Variants in LARGE1 observed in about 807,000 individuals in gnomAD.
LARGE1 encodes the protein xylosyl- and glucuronyltransferase LARGE1.
A neutral mutation model predicts 87.6 loss-of-function variants in LARGE1; 43 were observed. The observed-to-expected ratio is 0.49, with a 90% CI of 0.38 to 0.63. The LOEUF (loss-of-function observed/expected upper bound fraction) is 0.63. Ranked by LOEUF, LARGE1 falls within the 30% of genes least tolerant of loss-of-function variation. The pLI is 0.00. For synonymous variants in LARGE1, 434 were observed against 394.6 expected (o/e 1.10, Z -1.18); for missense variants, 802 against 1,000.2 (o/e 0.80, Z 2.67).
At chr22:33,286,205 G>A (rs182086539) in intron 12 of LARGE1, among the ~76,000 whole-genome samples, 1 of 152,278 alleles carries the variant, frequency 6.6e-6, no homozygotes, top group East Asian at 1.9e-4. Flanking sequence ...AACAATGTTA[G>A]TTTTCAAACA....
chr22:33,510,173 T>C (rs2070986521), intron 6 of LARGE1, among the ~76,000 whole-genome samples: 1 of 152,204 alleles, frequency 6.6e-6, no homozygotes, highest in Admixed American at 6.5e-5. Flanking sequence ...CTACATTTAT[T>C]AGGCACCGAC....
chr22:33,310,325 C>T (rs1426836440), intron 11 of LARGE1, among the ~76,000 whole-genome samples: 1 of 152,168 alleles, frequency 6.6e-6, no homozygotes, highest in Non-Finnish European at 1.5e-5. Context: ...CACTTAACAT[C>T]TTTGTCAAAA....
At chr22:33,608,633 T>C (rs2079334606) in intron 4 of LARGE1, among the ~76,000 whole-genome samples, 1 of 152,202 alleles carries the variant, frequency 6.6e-6, no homozygotes, top group African/African-American at 2.4e-5. Context: ...TGAATAGATA[T>C]TCCTGTAACA....
At chr22:33,080,341 C>G in the LARGE1 span, among the ~76,000 whole-genome samples, 4 of 152,206 alleles carry the variant, frequency 2.6e-5, no homozygotes. Context: ...ACCACCAGAT[C>G]TCAGTAGTTT....
chr22:33,345,911 C>G (rs980218685), intron 9 of LARGE1, among the ~76,000 whole-genome samples: 1 of 152,198 alleles, frequency 6.6e-6, no homozygotes, highest in African/African-American at 2.4e-5. Flanking sequence ...AAATCAGAGC[C>G]TGTGTGCAAA....
intron 6 of LARGE1, among the ~76,000 whole-genome samples, chr22:33,470,232 A>T (rs569753566): frequency 6.6e-6 from 1 of 152,198 alleles, no homozygotes; most frequent in Admixed American, 6.5e-5. Context: ...CTGTACACCA[A>T]ACCCTCATGA....
intron 9 of LARGE1, among the ~76,000 whole-genome samples, chr22:33,351,596 A>C (rs1251115608): frequency 1.3e-5 from 2 of 152,184 alleles, no homozygotes; most frequent in East Asian, 3.9e-4. Context: ...ATAAATGAGA[A>C]AAAGTGACCA....
intron 12 of LARGE1, among the ~76,000 whole-genome samples, chr22:33,285,289 T>G (rs1442668751): frequency 1.3e-5 from 2 of 152,010 alleles, no homozygotes; most frequent in Non-Finnish European, 2.9e-5. Context: ...TGTAAGGCAT[T>G]TTGAAAAACC....
chr22:33,636,613 A>C (rs2080275166), intron 3 of LARGE1, among the ~76,000 whole-genome samples: 1 of 152,120 alleles, frequency 6.6e-6, no homozygotes, highest in African/African-American at 2.4e-5. Flanking sequence ...CTGCAGCCTC[A>C]AATTCCTGGG....
At chr22:33,565,209 G>C (rs1461196725) in intron 5 of LARGE1, among the ~76,000 whole-genome samples, 190 bp from the exon 6 acceptor site, 1 of 152,138 alleles carries the variant, frequency 6.6e-6, no homozygotes, top group Non-Finnish European at 1.5e-5. Flanking sequence ...TTTTCTGGAG[G>C]AAAATGTATC....
chr22:33,531,378 G>A (rs1425508273), intron 6 of LARGE1, among the ~76,000 whole-genome samples: 4 of 151,988 alleles, frequency 2.6e-5, no homozygotes, highest in East Asian at 3.9e-4. Flanking sequence ...GGCTGGTCTC[G>A]AACTCCTAAC....
chr22:33,288,216 T>C (rs1214669554), intron 12 of LARGE1, among the ~76,000 whole-genome samples: 2 of 152,214 alleles, frequency 1.3e-5, no homozygotes, highest in Non-Finnish European at 2.9e-5. Context: ...ATAGCTAACA[T>C]GTACAATCAG....
intron 10 of LARGE1, among the ~76,000 whole-genome samples, chr22:33,319,027 T>C (rs1168960295): frequency 6.6e-6 from 1 of 152,206 alleles, no homozygotes; most frequent in Non-Finnish European, 1.5e-5. Flanking sequence ...CTTGATGGCA[T>C]TATTTCTCAA....
intron 1 of LARGE1, among the ~76,000 whole-genome samples, chr22:33,843,098 C>A (rs1165012231): frequency 6.6e-6 from 1 of 152,172 alleles, no homozygotes; most frequent in African/African-American, 2.4e-5. Flanking sequence ...CACAACCCAA[C>A]CCAGGCTTTA....
intron 1 of LARGE1, among the ~76,000 whole-genome samples, chr22:33,914,728 G>T (rs2146979229): frequency 6.6e-6 from 1 of 152,204 alleles, no homozygotes; most frequent in Admixed American, 6.5e-5. Flanking sequence ...GAGAAAACTA[G>T]ACAACCTAAA....
intron 3 of LARGE1, among the ~76,000 whole-genome samples, chr22:33,638,050 G>A (rs1255789614): frequency 6.6e-6 from 1 of 151,942 alleles, no homozygotes; most frequent in African/African-American, 2.4e-5. Flanking sequence ...TTATTTTTGT[G>A]GATTTACATC....
intron 1 of LARGE1, among the ~76,000 whole-genome samples, chr22:33,763,035 A>C (rs916198065): frequency 2.0e-5 from 3 of 152,020 alleles, no homozygotes; most frequent in South Asian, 2.1e-4. Flanking sequence ...TAACCCTTAT[A>C]CCGCCATGAA....
At chr22:33,624,724 C>T (rs1193364761) in intron 4 of LARGE1, among the ~76,000 whole-genome samples, 1 of 152,118 alleles carries the variant, frequency 6.6e-6, no homozygotes, top group Non-Finnish European at 1.5e-5. Context: ...CAAGGAGAAG[C>T]CGCTAAAAGG....
the LARGE1 span, among the ~76,000 whole-genome samples, chr22:33,145,490 C>G: frequency 6.6e-6 from 1 of 152,170 alleles, no homozygotes; most frequent in Non-Finnish European, 1.5e-5. Flanking sequence ...GAATGGTATC[C>G]AGGTCAGGGA....
Sources: allele counts gnomAD v4.1 joint callset (sites outside exome capture counted in the v4.1 genomes callset), GRCh38; gene constraint gnomAD v4.1.1; transcripts MANE v1.5; gene names NCBI Gene and HGNC (gene_info 2026-07-23, HGNC 2026-07-21).